Variants in SMG7 observed in about 807,000 individuals in gnomAD.
SMG7 encodes nonsense-mediated mRNA decay factor SMG7.
In SMG7, 34 loss-of-function variants were observed where a neutral mutation model predicts 148.2. The ratio of observed to expected loss-of-function variants is 0.23; its 90% CI spans 0.17 to 0.31. The LOEUF (loss-of-function observed/expected upper bound fraction) is 0.31. SMG7 is among the 10% of genes least tolerant of loss of function. The probability of loss-of-function intolerance (pLI) is 1.00; values close to 1 mark genes in which losing one functional copy is unlikely to be tolerated. For synonymous variants in SMG7, 492 were observed against 515.1 expected, an observed-to-expected ratio of 0.96 and a Z score of 0.61; for missense variants, 1,114 against 1,408.4, an observed-to-expected ratio of 0.79 and a Z score of 3.35.
At chr1:183,492,320 A>G (rs975219867) in intron 1 of SMG7, among the ~76,000 whole-genome samples, 4 of 152,234 alleles carry the variant, frequency 2.6e-5, no homozygotes, top group African/African-American at 4.8e-5. Flanking sequence ...CTTTGTCAAA[A>G]ATATATTGGC....
chr1:183,476,096 T>A (rs1472852158), intron 1 of SMG7, among the ~76,000 whole-genome samples: 1 of 152,176 alleles, frequency 6.6e-6, no homozygotes, highest in Admixed American at 6.5e-5. Flanking sequence ...TCCCTCCTCC[T>A]CTTTTAGATA....
chr1:183,549,692 G>A, intron 19 of SMG7, 72 bp from the exon 20 acceptor site: 6 of 1,272,534 alleles, frequency 4.7e-6, no homozygotes, highest in Admixed American at 1.8e-5. Context: ...AAGCATCCAT[G>A]AACAAGACAT....
intron 4 of SMG7, among the ~76,000 whole-genome samples, chr1:183,519,853 A>T (rs1664379606): frequency 6.6e-6 from 1 of 152,136 alleles, no homozygotes; most frequent in Non-Finnish European, 1.5e-5. Context: ...TTATTTCCTG[A>T]GGACCAGTTG....
At position 183,552,132 on chromosome 1, in the gene SMG7, C is replaced by T. The variant is rs1671168989; in HGVS notation, c.*201C>T. ...AAAAGAAAAATCCATCAGGAACTCTCCGTCCCCCCGGGGCCCTCCGGAGGG... is the reference window on the plus strand; with the variant it reads ...AAAAGAAAAATCCATCAGGAACTCTTCGTCCCCCCGGGGCCCTCCGGAGGG... On this transcript the variant is annotated 3_prime_UTR_variant, in exon 23 of 23. Transcript: ENST00000688051. 3.0e-5 allele frequency: 38 copies of T among 1,270,918 alleles called. No homozygotes were observed. Among genetic ancestry groups the T allele is most frequent in the Non-Finnish European group, 3.7e-5 (37 of 998,342 alleles). The allele number at this position is 1,270,918 out of a possible 1,614,324, so 78.7% of individuals were successfully genotyped here.
chr1:183,542,925 ATATGTGTGTGTGTG>A lies in SMG7; in HGVS notation c.1842+425_1842+438del, dbSNP rs1364542347. On this transcript the variant is annotated intron_variant, in intron 14 of 22. Transcript: ENST00000688051. ...TTTTTAGATTCACTATAATATATAT[ATATGTGTGTGTGTG>A]TGTGTGTGTGTGTGTGTGTGTGTGT... is the stretch of plus-strand genomic sequence containing the variant. 8.8e-3 allele frequency among the ~76,000 whole-genome samples: 1,245 copies of A among 141,636 alleles called. 38 individuals are homozygous for A. The East Asian group carries it at 0.095, about 11-fold the overall frequency. The allele number at this position is 141,636 out of a possible 152,430, so 92.9% of individuals were successfully genotyped here.
chr1:183,510,210 A>G (rs1661822724), intron 1 of SMG7, among the ~76,000 whole-genome samples: 1 of 152,214 alleles, frequency 6.6e-6, no homozygotes, highest in South Asian at 2.1e-4. Flanking sequence ...ATGAAAGGTC[A>G]TTCATTGAAT....
chr1:183,521,488 A>G lies in SMG7; in HGVS notation c.312+3668A>G, dbSNP rs776425843. 3.3e-5 allele frequency among the ~76,000 whole-genome samples: 5 copies of G among 152,244 alleles called. No homozygotes were observed. In the East Asian group the frequency reaches 9.6e-4, roughly 29 times the overall value. On this transcript the variant is annotated intron_variant, in intron 4 of 22. Transcript: ENST00000688051. ...AGTGTTCCACAAATCTTTCTTGATTACATGCAGTGCATATTTAGCACCAGA... is the reference window on the plus strand; with the variant it reads ...AGTGTTCCACAAATCTTTCTTGATTGCATGCAGTGCATATTTAGCACCAGA...
rs1668995010 is a variant in SMG7, at chr1:183,542,205, G to T, written c.1545G>T (p.Leu515=). The T allele has an allele frequency of 6.2e-7, 1 of 1,613,998 alleles. No individual in the cohort carries two copies. Among genetic ancestry groups the T allele is most frequent in the South Asian group, 1.1e-5 (1 of 91,088 alleles). Residue 515 remains leucine (L), a synonymous_variant, in exon 14 of 23, where the codon CTG becomes CTT. Coordinates refer to ENST00000688051, the MANE Select transcript of SMG7 (RefSeq NM_001375584.1). ...AAGAAACATCTGTGATAGAGTCGCT[G>T]GCTGCAGATGGGAGCCCAGGGCTAA... ...ILQETSVIES[L]AADGSPGLKS... is the part of the protein sequence containing the mutation.
intron 4 of SMG7, among the ~76,000 whole-genome samples, chr1:183,519,518 T>C (rs955870343): frequency 6.6e-6 from 1 of 151,730 alleles, no homozygotes; most frequent in Admixed American, 6.6e-5. Flanking sequence ...TTAGACAGAA[T>C]CTTTACCTTC....
intron 1 of SMG7, among the ~76,000 whole-genome samples, chr1:183,486,923 GT>G (rs1485108654): frequency 3.9e-5 from 6 of 152,188 alleles, no homozygotes; most frequent in African/African-American, 1.4e-4. Context: ...GCTGGTCACT[GT>G]CTTTTTAAAG....
intron 1 of SMG7, among the ~76,000 whole-genome samples, chr1:183,473,233 G>C: frequency 6.6e-6 from 1 of 152,076 alleles, no homozygotes; most frequent in South Asian, 2.1e-4. Context: ...GTGTGGGGAG[G>C]CGTGAAGGGG....
At chr1:183,480,590 C>T (rs1437052444) in intron 1 of SMG7, among the ~76,000 whole-genome samples, 5 of 152,032 alleles carry the variant, frequency 3.3e-5, no homozygotes, top group African/African-American at 9.7e-5. Flanking sequence ...CAGTTTGGGC[C>T]ATGCTATATC....
intron 8 of SMG7, among the ~76,000 whole-genome samples, chr1:183,532,112 T>TA (rs1666980755): frequency 6.6e-6 from 1 of 152,192 alleles, no homozygotes; most frequent in South Asian, 2.1e-4. Context: ...TCGTAGAGCT[T>TA]ACTATGGCTA....
In SMG7 at chr1:183,472,601, CGCGGCG is replaced by C; in HGVS notation, c.-9_-4del. The C allele has an allele frequency of 7.0e-6, 10 of 1,436,698 alleles. No homozygotes were observed. The highest frequency in any genetic ancestry group is 2.3e-4 in the Middle Eastern group (1 of 4,324). 89.0% of individuals were successfully genotyped at this position (1,436,698 alleles called of 1,614,324 possible). A position where few individuals can be genotyped will look rare whatever the true frequency, so the allele number is the denominator to read the frequency against. ...GACCCACGGAGGCTTCGCGGGAAGA[CGCGGCG>C]GCGGCGGCGGAGGATGAGCCTGCAG... On this transcript the variant is annotated 5_prime_UTR_variant, in exon 1 of 23. Transcript: ENST00000688051.
intron 1 of SMG7, among the ~76,000 whole-genome samples, chr1:183,487,669 G>A (rs748499435): frequency 2.0e-5 from 3 of 152,188 alleles, no homozygotes; most frequent in Non-Finnish European, 2.9e-5. Context: ...GAAATTGGAT[G>A]TGCTTGCTGC....
chr1:183,477,787 T>A (rs12742245), intron 1 of SMG7, among the ~76,000 whole-genome samples: 44,955 of 151,048 alleles, frequency 0.3, 8,123 homozygotes, highest in East Asian at 0.52. Flanking sequence ...TATGTGTGTA[T>A]GTATACATAT....
intron 1 of SMG7, among the ~76,000 whole-genome samples, chr1:183,508,688 A>ACC (rs1392356519): frequency 6.6e-6 from 1 of 152,120 alleles, no homozygotes; most frequent in Non-Finnish European, 1.5e-5. Context: ...TCTTAGCTTA[A>ACC]CCCTCCCACC....
intron 1 of SMG7, among the ~76,000 whole-genome samples, chr1:183,485,304 A>G (rs908193452): frequency 7.9e-5 from 12 of 152,298 alleles, no homozygotes; most frequent in South Asian, 2.1e-4. Flanking sequence ...AATATGTAGA[A>G]TTATAAACAT....
Position 183,547,108 on chromosome 1 carries a change from C to G in SMG7, c.2748C>G (p.Pro916=). The G allele has an allele frequency of 6.5e-7, 1 of 1,549,532 alleles. No homozygotes were observed. Among genetic ancestry groups the G allele is most frequent in the African/African-American group, 1.4e-5 (1 of 73,082 alleles). The change falls in exon 18 of 23, where the codon CCC becomes CCG. Residue 916 remains proline (P), a synonymous_variant. Coordinates refer to ENST00000688051, the MANE Select transcript of SMG7 (RefSeq NM_001375584.1). ...GTGATGCTTTCTGTCACTAGGACCC[C>G]AAGAGCTCCCCTCTGCTTCCTCCGG... is the stretch of plus-strand genomic sequence containing the variant. ...DPVPRMPFED[P]KSSPLLPPDL... is the part of the protein sequence containing the mutation.
Sources: allele counts gnomAD v4.1 joint callset (sites outside exome capture counted in the v4.1 genomes callset), GRCh38; gene constraint gnomAD v4.1.1; transcripts MANE v1.5; gene names NCBI Gene and HGNC (gene_info 2026-07-23, HGNC 2026-07-21).